The following SPOCK3 variants were observed in gnomAD, a reference collection of about 807,000 sequenced individuals.
SPOCK3 encodes the protein testican-3.
A neutral mutation model predicts 56.6 loss-of-function variants in SPOCK3; 30 were observed. The ratio of observed to expected loss-of-function variants is 0.53; its 90% CI spans 0.40 to 0.72. The LOEUF (loss-of-function observed/expected upper bound fraction) is 0.72. Among genes scored for constraint, SPOCK3 ranks in the 30% least tolerant of loss-of-function variants. SPOCK3 has a pLI of 0.00. For synonymous variants in SPOCK3, 196 were observed against 183.3 expected (o/e 1.07, Z -0.56); for missense variants, 527 against 530.0 (o/e 0.99, Z 0.06).
At chr4:166,818,336 G>C (rs903344378) in intron 6 of SPOCK3, among the ~76,000 whole-genome samples, 7 of 152,014 alleles carry the variant, frequency 4.6e-5, no homozygotes, top group Admixed American at 4.6e-4. Context: ...AATTATAAAG[G>C]TGTTCAATAA....
chr4:166,903,435 G>C (rs982874115), intron 5 of SPOCK3, among the ~76,000 whole-genome samples: 4 of 151,868 alleles, frequency 2.6e-5, no homozygotes, highest in African/African-American at 9.7e-5. Flanking sequence ...CATAATAATG[G>C]TATTATTACC....
rs1214677807 is a variant in SPOCK3, at chr4:166,851,128, G to A, written c.589+38002C>T. ...GCACGCAGCTGGAGATCTGAGAACT[G>A]GCAGACTGCCTCCTCAAGTGGGTCC... On this transcript the variant is annotated intron_variant, in intron 6 of 10. Transcript: ENST00000357545. Among the ~76,000 whole-genome samples the A allele has an allele frequency of 2.3e-4, 35 of 151,732 alleles. No homozygotes were observed. In the South Asian group the frequency reaches 2.9e-3, roughly 13 times the overall value.
chr4:166,970,251 T>G (rs1745227600), intron 4 of SPOCK3, among the ~76,000 whole-genome samples: 1 of 152,144 alleles, frequency 6.6e-6, no homozygotes, highest in African/African-American at 2.4e-5. Flanking sequence ...ATTTATTAGT[T>G]ACACAGATCT....
chr4:167,205,387 ATATTT>A (rs1734085679), intron 2 of SPOCK3, among the ~76,000 whole-genome samples: 2 of 42,532 alleles, frequency 4.7e-5, no homozygotes, highest in African/African-American at 2.3e-4. Flanking sequence ...TATAATATAT[ATATTT>A]TATATATAAT....
intron 2 of SPOCK3, among the ~76,000 whole-genome samples, chr4:167,069,110 A>T (rs1225477990): frequency 1.3e-5 from 2 of 151,918 alleles, no homozygotes; most frequent in Non-Finnish European, 2.9e-5. Flanking sequence ...CTGCATATTC[A>T]TCCTGCTACT....
At chr4:166,946,691 A>T (rs1010059214) in intron 4 of SPOCK3, among the ~76,000 whole-genome samples, 9 of 151,438 alleles carry the variant, frequency 5.9e-5, no homozygotes, top group Non-Finnish European at 1.3e-4. Flanking sequence ...TACATTTTGT[A>T]TAGCACTTGG....
intron 2 of SPOCK3, among the ~76,000 whole-genome samples, chr4:167,211,389 C>T (rs945078756): frequency 1.3e-5 from 2 of 151,954 alleles, no homozygotes. Flanking sequence ...TGGGGGACTG[C>T]AGGGAAGGCA....
chr4:166,982,612 T>C (rs948558952), intron 4 of SPOCK3, among the ~76,000 whole-genome samples: 9 of 152,174 alleles, frequency 5.9e-5, no homozygotes, highest in Non-Finnish European at 1.2e-4. Context: ...AATAACATTT[T>C]AGGGTTATCC....
At chr4:167,101,649 C>T (rs1314526529) in intron 2 of SPOCK3, among the ~76,000 whole-genome samples, 1 of 151,700 alleles carries the variant, frequency 6.6e-6, no homozygotes. Flanking sequence ...AGGTTGTTTC[C>T]TTCAATATGC....
chr4:167,111,603 GC>G (rs1176107673), intron 2 of SPOCK3, among the ~76,000 whole-genome samples: 1 of 152,022 alleles, frequency 6.6e-6, no homozygotes, highest in Non-Finnish European at 1.5e-5. Flanking sequence ...ATCCTAATGT[GC>G]GAATATGCAA....
chr4:166,925,210 A>G (rs1561015766), intron 4 of SPOCK3, among the ~76,000 whole-genome samples: 1 of 152,204 alleles, frequency 6.6e-6, no homozygotes, highest in Admixed American at 6.5e-5. Context: ...AATTTCATAT[A>G]ATGTAATGTA....
rs143987343 is a variant in SPOCK3, at chr4:167,085,280, G to A, written c.190-22743C>T. ...ATAGAGCAGAGAAAAAATGAAAAGAGAGAAAAAAAAATGCCCAAACAGACT... is the reference window on the plus strand; with the variant it reads ...ATAGAGCAGAGAAAAAATGAAAAGAAAGAAAAAAAAATGCCCAAACAGACT... On this transcript the variant is annotated intron_variant, in intron 2 of 10. Transcript: ENST00000357545. 1.9e-3 allele frequency among the ~76,000 whole-genome samples: 295 copies of A among 151,312 alleles called. 1 individual carries two copies. Among genetic ancestry groups the A allele is most frequent in the African/African-American group, 6.7e-3 (278 of 41,330 alleles).
chr4:166,799,664 A>G (rs1041722321), intron 6 of SPOCK3, among the ~76,000 whole-genome samples: 1 of 152,204 alleles, frequency 6.6e-6, no homozygotes, highest in African/African-American at 2.4e-5. Context: ...GAGATGGCAA[A>G]CAACTTTAAT....
At chr4:166,944,015 C>A (rs903323085) in intron 4 of SPOCK3, among the ~76,000 whole-genome samples, 1 of 152,022 alleles carries the variant, frequency 6.6e-6, no homozygotes, top group Non-Finnish European at 1.5e-5. Flanking sequence ...AGCATAGTGG[C>A]CCATGCCTGT....
chr4:166,952,234 G>A (rs563224592), intron 4 of SPOCK3, among the ~76,000 whole-genome samples: 101 of 152,240 alleles, frequency 6.6e-4, no homozygotes, highest in Non-Finnish European at 1.1e-3. Context: ...CTTCAGCAAA[G>A]TCTCAGGATA....
intron 2 of SPOCK3, among the ~76,000 whole-genome samples, chr4:167,066,062 T>C (rs368420053): frequency 6.6e-6 from 1 of 151,976 alleles, no homozygotes; most frequent in African/African-American, 2.4e-5. Flanking sequence ...ATAATAACTA[T>C]AAGTTTTCCA....
chr4:167,160,584 G>C (rs1324183632), intron 2 of SPOCK3, among the ~76,000 whole-genome samples: 2 of 151,822 alleles, frequency 1.3e-5, no homozygotes, highest in South Asian at 2.1e-4. Context: ...GCATCGCCAA[G>C]TAATCCTAAG....
chr4:166,911,146 C>T (rs1252276003), intron 5 of SPOCK3, among the ~76,000 whole-genome samples: 3 of 152,166 alleles, frequency 2.0e-5, no homozygotes, highest in Admixed American at 6.5e-5. Context: ...TGACACACTC[C>T]TCTCCTAGCG....
chr4:167,133,346 G>T (rs1183670923), intron 2 of SPOCK3, among the ~76,000 whole-genome samples: 1 of 152,142 alleles, frequency 6.6e-6, no homozygotes, highest in Non-Finnish European at 1.5e-5. Context: ...GGTTTCTCCT[G>T]CAGGTCCCCA....
Sources: gnomAD v4.1 joint callset for allele counts (sites outside exome capture counted in the v4.1 genomes callset) on GRCh38, gnomAD v4.1.1 for gene constraint, MANE v1.5 for transcripts, NCBI Gene and HGNC (gene_info 2026-07-23, HGNC 2026-07-21) for gene names.